The following TECTA variants were observed in gnomAD, a reference collection of about 807,000 sequenced individuals.
TECTA encodes the protein tectorin alpha, also known as alpha-tectorin.
Under a neutral mutation model 216.8 loss-of-function variants are expected in TECTA, and 128 were observed. The ratio of observed to expected loss-of-function variants is 0.59; its 90% confidence interval spans 0.51 to 0.68. The LOEUF is 0.68. TECTA is among the 30% of genes least tolerant of loss of function. TECTA has a pLI of 0.00. For missense variants in TECTA, 2,551 were observed against 2,786.2 expected, an observed-to-expected ratio of 0.92 and a Z score of 1.90; for synonymous variants, 1,089 against 1,117.1, an observed-to-expected ratio of 0.97 and a Z score of 0.50.
intron 6 of TECTA, among the ~76,000 whole-genome samples, 179 bp from the exon 7 acceptor site, chr11:121,118,127 A>G (rs1946517879): frequency 6.6e-6 from 1 of 152,196 alleles, no homozygotes; most frequent in Non-Finnish European, 1.5e-5. Context: ...ATCCTGGATG[A>G]ATTACTTCAC....
rs552376482 is a variant in TECTA, at chr11:121,139,393, G to T, written c.3543+1371G>T. Among the ~76,000 whole-genome samples, 36 of 152,298 alleles carry T rather than the reference G, an allele frequency of 2.4e-4. No individual in the cohort carries two copies. The South Asian group carries it at 7.0e-3, about 30-fold the overall frequency. The stretch of plus-strand genomic sequence containing the variant: ...TGCACCTAGTGACACTGGAAACACT[G>T]GTCAAATGAATGAGTGAGGCTGAGC... On this transcript the variant is annotated intron_variant, in intron 11 of 23. Transcript: ENST00000392793.
chr11:121,103,284 T>A (rs531084829), intron 2 of TECTA, among the ~76,000 whole-genome samples: 59 of 152,304 alleles, frequency 3.9e-4, no homozygotes, highest in African/African-American at 1.4e-3. Flanking sequence ...GCCACATATG[T>A]CTTTTTTCTA....
intron 11 of TECTA, among the ~76,000 whole-genome samples, chr11:121,140,256 TC>T (rs143201969): frequency 0.057 from 8,645 of 152,138 alleles, 817 homozygotes; most frequent in African/African-American, 0.2. Context: ...GACTGTGGGG[TC>T]CTCGTGAGCA....
chr11:121,115,075 A>C (rs1386960031), intron 6 of TECTA, among the ~76,000 whole-genome samples: 2 of 85,934 alleles, frequency 2.3e-5, no homozygotes, highest in Non-Finnish European at 2.2e-5. Flanking sequence ...CCACCCACCC[A>C]TTCACCCACC....
intron 2 of TECTA, among the ~76,000 whole-genome samples, chr11:121,104,770 T>C (rs1422284360): frequency 6.6e-6 from 1 of 151,948 alleles, no homozygotes; most frequent in Admixed American, 6.6e-5. Flanking sequence ...TGTCGGCATC[T>C]CATAGCAGCA....
At chr11:121,162,525 G>A (rs1947011718) in intron 16 of TECTA, among the ~76,000 whole-genome samples, 155 bp downstream of exon 16, 2 of 152,222 alleles carry the variant, frequency 1.3e-5, no homozygotes, top group Non-Finnish European at 2.9e-5. Context: ...AGCTGCAGCC[G>A]AGATTCAGTG....
Position 121,105,871 on chromosome 11 carries a change from C to T in TECTA, c.105C>T (p.Asp35=). ...TCATGTATCCATTTTGGCAGAATGA[C>T]ACCAAAACCCCTAAAGTAGATGATG... The part of the protein sequence containing the change: ...RELMYPFWQN[D]TKTPKVDDGS... The change falls in exon 3 of 24, where the codon GAC becomes GAT. Residue 35 remains aspartate (D), a synonymous_variant. Coordinates refer to ENST00000392793, the MANE Select transcript of TECTA (RefSeq NM_005422.4). The surrounding 1 kb of genome is among the most constrained non-coding windows in gnomAD (Gnocchi z 5.3). 1.2e-6 allele frequency: 2 copies of T among 1,614,204 alleles called. No homozygotes were observed. The highest frequency in any genetic ancestry group is 1.7e-6 in the Non-Finnish European group (2 of 1,180,034).
intron 19 of TECTA, 161 bp downstream of exon 19, chr11:121,168,378 C>T: frequency 9.8e-7 from 1 of 1,017,132 alleles, no homozygotes; most frequent in East Asian, 2.5e-5. Flanking sequence ...CAATAGAACT[C>T]TCTGTGACGA....
At chr11:121,141,692 A>G (rs189281779) in intron 11 of TECTA, among the ~76,000 whole-genome samples, 190 of 152,266 alleles carry the variant, frequency 1.2e-3, no homozygotes, top group Non-Finnish European at 2.1e-3. Flanking sequence ...CTGTGTCTTT[A>G]TCACTTATTG....
chr11:121,101,485 T>G (rs964687613), intron 1 of TECTA, 43 bp downstream of exon 1: 1 of 152,230 alleles, frequency 6.6e-6, no homozygotes, highest in Non-Finnish European at 1.5e-5. Context: ...AAATGAATCC[T>G]CCTTACTTCT....
In TECTA at chr11:121,191,271, G is replaced by T. The variant is rs980390721; in HGVS notation, c.*465G>T. The stretch of plus-strand genomic sequence containing the variant: ...ATCTTGCTGGTGTTTGGAAGTGTCC[G>T]ATCTACGTTATGCACGTGTTCTGTC... On this transcript the variant is annotated 3_prime_UTR_variant, in exon 24 of 24. Transcript: ENST00000392793. 2.7e-5 allele frequency: 7 copies of T among 257,688 alleles called. No homozygotes were observed. The Admixed American group carries it at 3.1e-4, about 11-fold the overall frequency. 16.0% of individuals were successfully genotyped at this position (257,688 alleles called of 1,614,324 possible).
At chr11:121,149,585 G>T (rs963557878) in intron 12 of TECTA, among the ~76,000 whole-genome samples, 1 of 152,178 alleles carries the variant, frequency 6.6e-6, no homozygotes, top group Admixed American at 6.5e-5. Flanking sequence ...GAAAACAGAG[G>T]TTTAGAGAGA....
At chr11:121,167,309 C>T (rs1565535886) in intron 18 of TECTA, among the ~76,000 whole-genome samples, 1 of 152,186 alleles carries the variant, frequency 6.6e-6, no homozygotes, top group East Asian at 1.9e-4. Flanking sequence ...GTGACAGTGC[C>T]TGTAGTTGTG....
In TECTA at chr11:121,191,031, C is replaced by T; in HGVS notation, c.*225C>T. The T allele has an allele frequency of 4.4e-6, 2 of 451,234 alleles. No homozygotes were observed. Among genetic ancestry groups the T allele is most frequent in the Non-Finnish European group, 8.2e-6 (2 of 244,226 alleles). The allele number at this position is 451,234 out of a possible 1,614,324, so 28.0% of individuals were successfully genotyped here. A position where few individuals can be genotyped will look rare whatever the true frequency, so the allele number is the denominator to read the frequency against. On this transcript the variant is annotated 3_prime_UTR_variant, in exon 24 of 24. Transcript: ENST00000392793. ...CAAGCCAGTTATGGAAAGTATCTCT[C>T]TTGTGTAAAATTCCCAAACAGTTGT... is the stretch of plus-strand genomic sequence containing the variant.
intron 14 of TECTA, 64 bp downstream of exon 14, chr11:121,158,288 T>C (rs1044387569): frequency 6.3e-7 from 1 of 1,596,974 alleles, no homozygotes; most frequent in African/African-American, 1.3e-5. Context: ...TAGGGGACTG[T>C]GTAGGGTTCT....
intron 10 of TECTA, among the ~76,000 whole-genome samples, chr11:121,134,674 T>C (rs1236931438): frequency 6.6e-6 from 1 of 152,186 alleles, no homozygotes; most frequent in Non-Finnish European, 1.5e-5. Flanking sequence ...CTCCCAGTTG[T>C]ATTTCATTCA....
chr11:121,157,885 C>G lies in TECTA; in HGVS notation c.4350C>G (p.Arg1450=). 6.2e-7 allele frequency: 1 copy of G among 1,614,266 alleles called. No homozygotes were observed. Among genetic ancestry groups the G allele is most frequent in the Non-Finnish European group, 8.5e-7 (1 of 1,180,048 alleles). The change falls in exon 14 of 24, where the codon CGC becomes CGG. Residue 1450 remains arginine, a synonymous_variant. Transcript: ENST00000392793. ...ACAGCGACTGCACGCGGCGCTGCCG[C>G]TGTTTCCGTCGCAACGTGATTCAGT... ...FWNSDCTRRC[R]CFRRNVIQCD... is the part of the protein sequence containing the mutation.
intron 20 of TECTA, among the ~76,000 whole-genome samples, chr11:121,187,552 G>A (rs572690014): frequency 3.9e-5 from 6 of 152,332 alleles, no homozygotes; most frequent in East Asian, 3.9e-4. Context: ...AAACTGAAGC[G>A]TGGGGAAATT....
intron 3 of TECTA, 38 bp downstream of exon 3, chr11:121,106,002 C>T: frequency 6.2e-7 from 1 of 1,614,118 alleles, no homozygotes; most frequent in Non-Finnish European, 8.5e-7. Context: ...TTCTCTGGCC[C>T]TCCCTTTTGT....
Sources: gnomAD v4.1 joint callset for allele counts (sites outside exome capture counted in the v4.1 genomes callset) on GRCh38, gnomAD v4.1.1 for gene constraint, Gnocchi (gnomAD v3.1) non-coding constraint, MANE v1.5 for transcripts, NCBI Gene and HGNC (gene_info 2026-07-23, HGNC 2026-07-21) for gene names.